Variants in CFAP299 observed in about 807,000 individuals in gnomAD.
CFAP299 encodes the protein cilia and flagella associated protein 299, also known as cilia- and flagella-associated protein 299.
CFAP299 carries 21 observed loss-of-function variants against 27.0 expected under a neutral mutation model. The ratio of observed to expected loss-of-function variants is 0.78; its 90% CI spans 0.55 to 1.12. The LOEUF (loss-of-function observed/expected upper bound fraction) is 1.12. Among genes scored for constraint, CFAP299 ranks in the 50% most tolerant of loss-of-function variants. The pLI, the probability that CFAP299 is intolerant of heterozygous loss-of-function variation, is 0.00. For missense variants in CFAP299, 310 were observed against 276.6 expected (o/e 1.12, Z -0.86); for synonymous variants, 104 against 98.1 (o/e 1.06, Z -0.36).
chr4:80,353,348 C>G (rs546183797), intron 1 of CFAP299, among the ~76,000 whole-genome samples: 34 of 152,320 alleles, frequency 2.2e-4, no homozygotes, highest in African/African-American at 8.2e-4. Flanking sequence ...CTGCCCAATC[C>G]TGCTTTCTTC....
intron 1 of CFAP299, among the ~76,000 whole-genome samples, chr4:80,354,349 T>C (rs1723156939): frequency 6.6e-6 from 1 of 152,200 alleles, no homozygotes; most frequent in African/African-American, 2.4e-5. Context: ...TGGAAAGGTG[T>C]TCAAGATGTA....
intron 2 of CFAP299, among the ~76,000 whole-genome samples, chr4:80,551,097 C>A (rs143543256): frequency 1.9e-3 from 290 of 152,158 alleles, no homozygotes; most frequent in Non-Finnish European, 2.9e-3. Flanking sequence ...ACTCTGATAA[C>A]CATGAAAACT....
In CFAP299 at chr4:80,843,576, A is replaced by G. The variant is rs575669106; in HGVS notation, c.334-26417A>G. 9.1e-4 allele frequency among the ~76,000 whole-genome samples: 138 copies of G among 152,046 alleles called. 1 individual carries two copies. Among genetic ancestry groups the G allele is most frequent in the African/African-American group, 3.0e-3 (125 of 41,456 alleles). On this transcript the variant is annotated intron_variant, in intron 3 of 5. Transcript: ENST00000358105. ...TGTCTTTATAGCAGCATGATTTATA[A>G]TCCTTTGGGTATATACCCAGTAACG...
chr4:80,528,496 A>T (rs1280022315), intron 2 of CFAP299, among the ~76,000 whole-genome samples: 1 of 152,064 alleles, frequency 6.6e-6, no homozygotes, highest in Non-Finnish European at 1.5e-5. Flanking sequence ...TGCCAGGATG[A>T]TATTGGCTGC....
chr4:80,321,576 T>C, the CFAP299 span, among the ~76,000 whole-genome samples: 1 of 151,404 alleles, frequency 6.6e-6, no homozygotes, highest in Non-Finnish European at 1.5e-5. Flanking sequence ...CGCCACACCC[T>C]GCAGTACCTG....
intron 3 of CFAP299, among the ~76,000 whole-genome samples, chr4:80,659,189 G>A (rs1331449504): frequency 6.6e-6 from 1 of 151,770 alleles, no homozygotes; most frequent in Non-Finnish European, 1.5e-5. Flanking sequence ...AAAATCGAAA[G>A]CAAAACTATA....
chr4:80,770,180 A>G (rs1164446789), intron 3 of CFAP299, among the ~76,000 whole-genome samples: 1 of 152,180 alleles, frequency 6.6e-6, no homozygotes, highest in Non-Finnish European at 1.5e-5. Flanking sequence ...GGCCTTACGT[A>G]TAGATTTCCA....
At chr4:80,925,321 T>C (rs1736253305) in intron 4 of CFAP299, among the ~76,000 whole-genome samples, 1 of 152,016 alleles carries the variant, frequency 6.6e-6, no homozygotes, top group Admixed American at 6.6e-5. Context: ...AAACCATATC[T>C]TACCTGCTTC....
intron 2 of CFAP299, among the ~76,000 whole-genome samples, chr4:80,478,829 G>T (rs1221848906): frequency 6.6e-6 from 1 of 150,516 alleles, no homozygotes; most frequent in East Asian, 1.9e-4. Context: ...GGAGGGAGGT[G>T]GTGTTCATAT....
chr4:80,674,271 T>A (rs1719235383), intron 3 of CFAP299, among the ~76,000 whole-genome samples: 1 of 152,196 alleles, frequency 6.6e-6, no homozygotes, highest in Non-Finnish European at 1.5e-5. Context: ...TATTTCCCCT[T>A]CACTTATGAA....
intron 2 of CFAP299, among the ~76,000 whole-genome samples, chr4:80,576,930 A>G (rs1735896016): frequency 1.3e-5 from 2 of 152,200 alleles, no homozygotes; most frequent in South Asian, 4.1e-4. Flanking sequence ...TGGAATGACA[A>G]TAATAGCTGA....
chr4:80,806,283 C>T (rs1728862179), intron 3 of CFAP299, among the ~76,000 whole-genome samples: 1 of 152,118 alleles, frequency 6.6e-6, no homozygotes, highest in African/African-American at 2.4e-5. Context: ...GACAAAGATA[C>T]TTTGCTTGCT....
rs183983659 is a variant in CFAP299 at position 80,774,197 on chromosome 4, G to A, written c.334-95796G>A. Among the ~76,000 whole-genome samples, 171 of 151,992 alleles carry A rather than the reference G, an allele frequency of 1.1e-3. 1 individual carries two copies. Among genetic ancestry groups the A allele is most frequent in the African/African-American group, 4.0e-3 (164 of 41,516 alleles). On this transcript the variant is annotated intron_variant, in intron 3 of 5. Transcript: ENST00000358105. ...AATAGGCCTGTGAATTTGTGAGGTT[G>A]TTAAATCAGTATTAATTTGAAGACT...
At chr4:80,783,309 T>C (rs1182405859) in intron 3 of CFAP299, among the ~76,000 whole-genome samples, 12 of 152,096 alleles carry the variant, frequency 7.9e-5, no homozygotes, top group Admixed American at 7.9e-4. Flanking sequence ...CTATTCAGTG[T>C]AGGAGGGAAC....
chr4:80,907,695 G>A (rs1040068229), intron 4 of CFAP299, among the ~76,000 whole-genome samples: 3 of 152,166 alleles, frequency 2.0e-5, no homozygotes, highest in African/African-American at 7.2e-5. Context: ...CACAAGAACA[G>A]CATGTGGGTA....
intron 2 of CFAP299, among the ~76,000 whole-genome samples, chr4:80,390,493 A>C (rs36152142): frequency 0.1 from 13,304 of 129,562 alleles, 1,247 homozygotes; most frequent in African/African-American, 0.2. Flanking sequence ...CTCTCTCTCT[A>C]TATATATGTA....
intron 4 of CFAP299, among the ~76,000 whole-genome samples, chr4:80,931,982 A>G (rs1178717729): frequency 6.6e-6 from 1 of 152,272 alleles, no homozygotes; most frequent in East Asian, 1.9e-4. Flanking sequence ...GTTTGCTCTT[A>G]GCAGGGAATC....
chr4:80,495,923 G>A (rs1187992711), intron 2 of CFAP299, among the ~76,000 whole-genome samples: 3 of 152,168 alleles, frequency 2.0e-5, no homozygotes, highest in African/African-American at 7.2e-5. Context: ...AGCATGAATG[G>A]GACAGTGTCC....
At chr4:80,461,213 C>T (rs980976219) in intron 2 of CFAP299, among the ~76,000 whole-genome samples, 8 of 151,974 alleles carry the variant, frequency 5.3e-5, no homozygotes, top group South Asian at 2.1e-4. Flanking sequence ...CTTAGCAGAA[C>T]TAAAAAGATA....
Sources: allele counts gnomAD v4.1 joint callset (sites outside exome capture counted in the v4.1 genomes callset), GRCh38; gene constraint gnomAD v4.1.1; transcripts MANE v1.5; gene names NCBI Gene and HGNC (gene_info 2026-07-23, HGNC 2026-07-21).